Variants in ZNF385D observed in about 807,000 individuals in gnomAD.
ZNF385D encodes the protein zinc finger protein 385D, also known as zinc finger protein 659.
ZNF385D carries 15 observed loss-of-function variants against 35.8 expected under a neutral mutation model. The observed-to-expected ratio is 0.42, with a 90% confidence interval of 0.28 to 0.64. The LOEUF is 0.64. Ranked by LOEUF, ZNF385D falls within the 30% of genes least tolerant of loss-of-function variation. The pLI, the probability that ZNF385D is intolerant of heterozygous loss-of-function variation, is 0.23. For synonymous variants in ZNF385D, 212 were observed against 186.8 expected (o/e 1.13, Z -1.10); for missense variants, 474 against 494.6 (o/e 0.96, Z 0.39).
chr3:21,893,378 G>C (rs1269542308), intron 3 of ZNF385D, among the ~76,000 whole-genome samples: 1 of 152,106 alleles, frequency 6.6e-6, no homozygotes, highest in Non-Finnish European at 1.5e-5. Context: ...AAAGTGCCTT[G>C]CACAGACAGC....
At chr3:21,905,411 T>C (rs893609186) in intron 3 of ZNF385D, among the ~76,000 whole-genome samples, 1 of 151,980 alleles carries the variant, frequency 6.6e-6, no homozygotes, top group African/African-American at 2.4e-5. Flanking sequence ...AGGTTGTATT[T>C]ATTCATTTAC....
chr3:21,914,082 A>G (rs1195970450), intron 3 of ZNF385D, among the ~76,000 whole-genome samples: 1 of 152,080 alleles, frequency 6.6e-6, no homozygotes, highest in East Asian at 1.9e-4. Flanking sequence ...TGCTTTGTCC[A>G]TTCACAGGGA....
At chr3:22,355,823 C>T (rs1696123458) in intron 2 of ZNF385D, among the ~76,000 whole-genome samples, 1 of 151,900 alleles carries the variant, frequency 6.6e-6, no homozygotes, top group African/African-American at 2.4e-5. Context: ...ACACAGTATA[C>T]AACCATATCA....
chr3:22,211,681 G>C (rs1286229793), intron 2 of ZNF385D, among the ~76,000 whole-genome samples: 1 of 151,874 alleles, frequency 6.6e-6, no homozygotes, highest in Non-Finnish European at 1.5e-5. Context: ...CCAAGGGAGA[G>C]GGTAGGAAAA....
intron 3 of ZNF385D, among the ~76,000 whole-genome samples, chr3:22,100,009 A>C (rs1457369726): frequency 6.6e-6 from 1 of 152,072 alleles, no homozygotes; most frequent in African/African-American, 2.4e-5. Flanking sequence ...AACCCCATCA[A>C]AAAGTGGGCA....
chr3:21,951,573 A>T (rs1165646932), intron 3 of ZNF385D, among the ~76,000 whole-genome samples: 1 of 151,634 alleles, frequency 6.6e-6, no homozygotes, highest in African/African-American at 2.4e-5. Context: ...CCCGGCCAGA[A>T]CTTCCAATAC....
intron 3 of ZNF385D, among the ~76,000 whole-genome samples, chr3:22,043,615 C>T (rs542002060): frequency 8.4e-6 from 1 of 118,538 alleles, no homozygotes; most frequent in Admixed American, 7.8e-5. Flanking sequence ...TAGTCCCTGC[C>T]TTCTCTTCTA....
At chr3:21,698,230 A>G (rs1283909211) in intron 1 of ZNF385D, among the ~76,000 whole-genome samples, 1 of 152,228 alleles carries the variant, frequency 6.6e-6, no homozygotes, top group Non-Finnish European at 1.5e-5. Flanking sequence ...GAATAAAGAA[A>G]ATGTGCTCTA....
chr3:21,949,432 G>C (rs780408608), intron 3 of ZNF385D, among the ~76,000 whole-genome samples: 4 of 151,984 alleles, frequency 2.6e-5, no homozygotes, highest in Non-Finnish European at 4.4e-5. Flanking sequence ...TCTCAGTGGA[G>C]TGTAGGTGTA....
At chr3:22,050,755 A>T (rs1173483166) in intron 3 of ZNF385D, among the ~76,000 whole-genome samples, 1 of 152,212 alleles carries the variant, frequency 6.6e-6, no homozygotes, top group East Asian at 1.9e-4. Context: ...TGTATTATGT[A>T]TTTGTTTAAA....
intron 2 of ZNF385D, among the ~76,000 whole-genome samples, chr3:21,649,016 C>A (rs1208934117): frequency 6.6e-6 from 1 of 152,038 alleles, no homozygotes; most frequent in Non-Finnish European, 1.5e-5. Context: ...CAATACAAAC[C>A]TAGGACTCTG....
chr3:21,676,661 T>A (rs1472481678), intron 1 of ZNF385D, among the ~76,000 whole-genome samples: 1 of 152,078 alleles, frequency 6.6e-6, no homozygotes, highest in Non-Finnish European at 1.5e-5. Flanking sequence ...AATGAAGATA[T>A]CCTTATTTTC....
intron 2 of ZNF385D, among the ~76,000 whole-genome samples, chr3:22,227,115 A>G (rs939427944): frequency 3.3e-5 from 5 of 152,058 alleles, no homozygotes; most frequent in Non-Finnish European, 5.9e-5. Flanking sequence ...ATACATTACT[A>G]TAACATATTA....
At chr3:21,899,742 C>T (rs949955832) in intron 3 of ZNF385D, among the ~76,000 whole-genome samples, 1 of 152,102 alleles carries the variant, frequency 6.6e-6, no homozygotes. Context: ...TTTGCTCCTA[C>T]TAAACATAAT....
chr3:21,948,566 T>A (rs919516357), intron 3 of ZNF385D, among the ~76,000 whole-genome samples: 6 of 152,108 alleles, frequency 3.9e-5, no homozygotes. Flanking sequence ...GTATATGCCA[T>A]TTTCGTTGTG....
In ZNF385D at chr3:21,850,811, C is replaced by G. The variant is rs201977785; in HGVS notation, c.326-185783G>C. Among the ~76,000 whole-genome samples the G allele has an allele frequency of 2.0e-4, 30 of 152,200 alleles. No individual in the cohort carries two copies. The East Asian group carries it at 5.2e-3, about 27-fold the overall frequency. ...GGCCTTAGGTAAAGGCTATACTATA[C>G]CTTTCCTAGTGGGCCTTAAAAATGT... On this transcript the variant is annotated intron_variant, in intron 3 of 5. Coordinates refer to the ZNF385D transcript ENST00000494108.
At chr3:21,852,892 A>G (rs1235542429) in intron 3 of ZNF385D, among the ~76,000 whole-genome samples, 1 of 151,892 alleles carries the variant, frequency 6.6e-6, no homozygotes, top group Admixed American at 6.6e-5. Flanking sequence ...TTAAGTCATC[A>G]TGAAATACAG....
intron 3 of ZNF385D, among the ~76,000 whole-genome samples, chr3:21,811,533 A>T (rs913404909): frequency 1.3e-5 from 2 of 152,166 alleles, no homozygotes; most frequent in Non-Finnish European, 2.9e-5. Flanking sequence ...TAATGATAGT[A>T]AAAAAATACA....
intron 2 of ZNF385D, among the ~76,000 whole-genome samples, chr3:21,608,406 T>C (rs1331325403): frequency 2.0e-5 from 3 of 152,302 alleles, no homozygotes; most frequent in Middle Eastern, 3.4e-3. Flanking sequence ...TAGTATCAGA[T>C]AACTAAAAAT....
Sources: gnomAD v4.1 joint callset for allele counts (sites outside exome capture counted in the v4.1 genomes callset) on GRCh38, gnomAD v4.1.1 for gene constraint, MANE v1.5 for transcripts, NCBI Gene and HGNC (gene_info 2026-07-23, HGNC 2026-07-21) for gene names.